FAM171A1: variants seen among roughly 807,000 people sequenced by gnomAD.
FAM171A1 encodes the protein family with sequence similarity 171 member A1.
In FAM171A1, 23 loss-of-function variants were observed where a neutral mutation model predicts 74.9. The observed-to-expected ratio is 0.31, with a 90% CI of 0.22 to 0.44. FAM171A1 has a LOEUF of 0.44. Among genes scored for constraint, FAM171A1 ranks in the 20% least tolerant of loss-of-function variants. FAM171A1 has a pLI of 1.00. For missense variants in FAM171A1, 1,162 were observed against 1,159.2 expected, an observed-to-expected ratio of 1.00 and a Z score of -0.03; for synonymous variants, 527 against 505.7, an observed-to-expected ratio of 1.04 and a Z score of -0.57.
chr10:15,247,483 G>C (rs959875012), intron 5 of FAM171A1, among the ~76,000 whole-genome samples: 1 of 151,938 alleles, frequency 6.6e-6, no homozygotes, highest in African/African-American at 2.4e-5. Context: ...CTTTGTAGAA[G>C]GCAACCTCTC....
In FAM171A1 at chr10:15,287,381, C is replaced by T. The variant is rs964161665; in HGVS notation, c.98-3276G>A. ...TGCTGTGATTACAGGTGTGACCCAC[C>T]GCGCCGGCCTCTTTTTTTTTTTTTT... On this transcript the variant is annotated intron_variant, in intron 1 of 7. Transcript: ENST00000378116. 6.0e-5 allele frequency among the ~76,000 whole-genome samples: 9 copies of T among 150,478 alleles called. No individual in the cohort carries two copies. The South Asian group carries it at 6.3e-4, about 11-fold the overall frequency.
chr10:15,368,181 G>A (rs1315168720), intron 1 of FAM171A1, among the ~76,000 whole-genome samples: 3 of 152,174 alleles, frequency 2.0e-5, no homozygotes, highest in East Asian at 1.9e-4. Flanking sequence ...AACCCTTACC[G>A]TGACAACTGA....
At chr10:15,371,554 A>T (rs1836149409), upstream of FAM171A1, among the ~76,000 whole-genome samples, 2 of 150,664 alleles carry the variant, frequency 1.3e-5, no homozygotes, top group South Asian at 4.2e-4. Flanking sequence ...TCTGGGTGTG[A>T]CCCCCCCACC....
At chr10:15,305,606 G>T (rs1482481742) in intron 1 of FAM171A1, among the ~76,000 whole-genome samples, 1 of 142,692 alleles carries the variant, frequency 7.0e-6, no homozygotes, top group Admixed American at 7.2e-5. Flanking sequence ...GTTTGAGGCT[G>T]CAGTGAGAAG....
intron 3 of FAM171A1, among the ~76,000 whole-genome samples, chr10:15,268,783 T>C (rs1457863807): frequency 6.6e-6 from 1 of 152,198 alleles, no homozygotes; most frequent in African/African-American, 2.4e-5. Flanking sequence ...GCATGGTGCC[T>C]GTAATCCCAA....
intron 3 of FAM171A1, among the ~76,000 whole-genome samples, chr10:15,270,860 C>A (rs905450812): frequency 8.5e-5 from 13 of 152,268 alleles, no homozygotes; most frequent in South Asian, 2.1e-4. Flanking sequence ...GACATCCACA[C>A]CAAAACCCCA....
intron 1 of FAM171A1, among the ~76,000 whole-genome samples, chr10:15,327,969 T>C (rs2131855066): frequency 6.6e-6 from 1 of 150,498 alleles, no homozygotes; most frequent in African/African-American, 2.4e-5. Context: ...GATTACCTAA[T>C]TAGTAATCTC....
At chr10:15,231,144 G>T (rs1451720003) in intron 5 of FAM171A1, among the ~76,000 whole-genome samples, 1 of 152,224 alleles carries the variant, frequency 6.6e-6, no homozygotes, top group Non-Finnish European at 1.5e-5. Flanking sequence ...TTGACACAGA[G>T]ATCTTGCTAA....
chr10:15,274,110 T>C (rs1311753018), intron 3 of FAM171A1, among the ~76,000 whole-genome samples: 4 of 152,204 alleles, frequency 2.6e-5, no homozygotes, highest in African/African-American at 9.7e-5. Flanking sequence ...TGTTTGCAGA[T>C]GACATGATTG....
At chr10:15,276,971 G>A (rs774938318) in intron 2 of FAM171A1, among the ~76,000 whole-genome samples, 1 of 152,150 alleles carries the variant, frequency 6.6e-6, no homozygotes, top group Non-Finnish European at 1.5e-5. Flanking sequence ...ATAGGCTAGA[G>A]CCACTGCACC....
In FAM171A1 at chr10:15,303,665, CTTACAT is replaced by C. The variant is rs556177436; in HGVS notation, c.98-19566_98-19561del. ...AACAGAGGCTCCGCCATTATTTTGT[CTTACAT>C]TTACAAGTTGATGCTATTTTAAATT... On this transcript the variant is annotated intron_variant, in intron 1 of 7. Coordinates refer to ENST00000378116, the MANE Select transcript of FAM171A1 (RefSeq NM_001010924.2). 2.1e-3 allele frequency among the ~76,000 whole-genome samples: 327 copies of C among 152,290 alleles called. 2 individuals are homozygous for C. Among genetic ancestry groups the C allele is most frequent in the African/African-American group, 7.3e-3 (304 of 41,560 alleles).
intron 1 of FAM171A1, among the ~76,000 whole-genome samples, chr10:15,284,425 TG>T (rs1588533177): frequency 6.6e-6 from 1 of 152,084 alleles, no homozygotes; most frequent in East Asian, 1.9e-4. Flanking sequence ...TTCGTGTGTG[TG>T]TGTGTGTGTG....
At chr10:15,279,704 G>A (rs1428825721) in intron 2 of FAM171A1, among the ~76,000 whole-genome samples, 12 of 152,196 alleles carry the variant, frequency 7.9e-5, no homozygotes, top group Non-Finnish European at 1.0e-4. Flanking sequence ...CGGATCACAA[G>A]GTTAAGAGAT....
At chr10:15,287,921 C>T (rs1305832024) in intron 1 of FAM171A1, among the ~76,000 whole-genome samples, 1 of 152,182 alleles carries the variant, frequency 6.6e-6, no homozygotes, top group African/African-American at 2.4e-5. Context: ...CCCTCTCCCA[C>T]CCTTTTCCCT....
chr10:15,232,856 T>C (rs1345483355), intron 5 of FAM171A1, among the ~76,000 whole-genome samples: 2 of 152,230 alleles, frequency 1.3e-5, no homozygotes, highest in Non-Finnish European at 2.9e-5. Flanking sequence ...AACACTCAAC[T>C]CTACTGAGCT....
At chr10:15,265,580 A>G (rs1205486663) in intron 3 of FAM171A1, among the ~76,000 whole-genome samples, 6 of 11,864 alleles carry the variant, frequency 5.1e-4, no homozygotes, top group South Asian at 7.7e-3. Context: ...GTGCCTCTGA[A>G]AAAAAAAAAA....
chr10:15,253,368 T>C (rs1834534541), intron 4 of FAM171A1, among the ~76,000 whole-genome samples: 1 of 152,306 alleles, frequency 6.6e-6, no homozygotes, highest in South Asian at 2.1e-4. Flanking sequence ...TTTCAAGTAA[T>C]AGTCAACATT....
At chr10:15,224,223 A>C (rs1302051932) in intron 5 of FAM171A1, among the ~76,000 whole-genome samples, 1 of 152,066 alleles carries the variant, frequency 6.6e-6, no homozygotes, top group Non-Finnish European at 1.5e-5. Flanking sequence ...AAAGAGAAGG[A>C]GGACATTCTA....
chr10:15,241,861 A>G (rs1834368368), intron 5 of FAM171A1: 1 of 152,218 alleles, frequency 6.6e-6, no homozygotes, highest in Non-Finnish European at 1.5e-5. Context: ...CTGAAGAACT[A>G]AAACTTTGTA....
Sources: gnomAD v4.1 joint callset for allele counts (sites outside exome capture counted in the v4.1 genomes callset) on GRCh38, gnomAD v4.1.1 for gene constraint, MANE v1.5 for transcripts, NCBI Gene and HGNC (gene_info 2026-07-23, HGNC 2026-07-21) for gene names.